Variants in FGD2 observed in about 807,000 individuals in gnomAD.
The protein encoded by FGD2 is FYVE, RhoGEF and PH domain containing 2, also known as FYVE, RhoGEF and PH domain-containing protein 2.
Under a neutral mutation model 75.9 loss-of-function variants are expected in FGD2, and 52 were observed. The observed-to-expected ratio is 0.69, with a 90% CI of 0.55 to 0.86. The LOEUF (loss-of-function observed/expected upper bound fraction) is 0.86, where lower values mean the gene tolerates loss of function less well. Among genes scored for constraint, FGD2 ranks in the 40% least tolerant of loss-of-function variants. The probability of loss-of-function intolerance (pLI) is 0.00; values close to 1 mark genes in which losing one functional copy is unlikely to be tolerated. For missense variants in FGD2, 790 were observed against 872.0 expected (o/e 0.91, Z 1.18); for synonymous variants, 347 against 348.6 (o/e 1.00, Z 0.05).
At chr6:37,015,155 G>A (rs1277106882) in intron 8 of FGD2, 117 bp downstream of exon 8, 14 of 1,348,420 alleles carry the variant, frequency 1.0e-5, no homozygotes, top group African/African-American at 4.4e-5. Context: ...GGAAGAGAAC[G>A]CTTCTCTGTC....
At position 37,028,242 on chromosome 6, in the gene FGD2, G is replaced by A. The variant is rs796718029; in HGVS notation, c.*79G>A. On this transcript the variant is annotated 3_prime_UTR_variant, in exon 16 of 16. Transcript: ENST00000274963. ...GCCACAGACTGACCCTGTGGCCTCA[G>A]TGACCCACTGCCCCAAGTGGTGCTT... 7 of 1,336,080 alleles carry A rather than the reference G, an allele frequency of 5.2e-6. No homozygotes were observed. In the African/African-American group the frequency reaches 1.0e-4, roughly 20 times the overall value. The allele number at this position is 1,336,080 out of a possible 1,614,324, so 82.8% of individuals were successfully genotyped here.
intron 2 of FGD2, 89 bp from the exon 3 acceptor site, chr6:37,010,884 A>G (rs1561926920): frequency 7.6e-7 from 1 of 1,312,256 alleles, no homozygotes; most frequent in Non-Finnish European, 1.1e-6. Context: ...CACTGCAGCA[A>G]CTTTGGAGAC....
chr6:37,019,665 C>T (rs1765468091), intron 9 of FGD2, among the ~76,000 whole-genome samples: 1 of 152,132 alleles, frequency 6.6e-6, no homozygotes, highest in Non-Finnish European at 1.5e-5. Flanking sequence ...AATAGATGTT[C>T]TTCCATCTCA....
In FGD2 at chr6:37,021,657, T is replaced by C. The variant is rs1026119338; in HGVS notation, c.1326+53T>C. 7.3e-6 allele frequency: 11 copies of C among 1,496,868 alleles called. No individual in the cohort carries two copies. The African/African-American group carries it at 1.1e-4, about 15-fold the overall frequency. The allele number at this position is 1,496,868 out of a possible 1,614,324, so 92.7% of individuals were successfully genotyped here. ...TGGAGCCACCAACCCAAATAGAGCT[T>C]GTTCCCTCTCTGTTCTGCCTATACC... On this transcript the variant is annotated intron_variant, in intron 12 of 15. Transcript: ENST00000274963.
Position 37,028,390 on chromosome 6 carries a change from G to A in FGD2, c.*227G>A, listed in dbSNP as rs1765933794. The A allele has an allele frequency of 6.0e-6, 3 of 503,454 alleles. No individual in the cohort carries two copies. The highest frequency in any genetic ancestry group is 1.9e-5 in the African/African-American group (1 of 52,556). 31.2% of individuals were successfully genotyped at this position (503,454 alleles called of 1,614,324 possible). A position where few individuals can be genotyped will look rare whatever the true frequency, so the allele number is the denominator to read the frequency against. On this transcript the variant is annotated 3_prime_UTR_variant, in exon 16 of 16. Transcript: ENST00000274963. The stretch of plus-strand genomic sequence containing the variant: ...TGTCTCAGTTTGCCTTGCGGGGAGG[G>A]GGCTCCTGGGCCATGGGACTTCCAG...
intron 13 of FGD2, 176 bp downstream of exon 13, chr6:37,022,546 G>C: frequency 1.2e-6 from 1 of 834,286 alleles, no homozygotes; most frequent in South Asian, 2.3e-5. Flanking sequence ...GCCTCCACCT[G>C]TGTCACCCAG....
chr6:37,014,711 A>C lies in FGD2; in HGVS notation c.882+7A>C, dbSNP rs541001984. On this transcript the variant is annotated splice_region_variant and intron_variant, in intron 7 of 15. Transcript: ENST00000274963. ...TGCAGCCATCACTGAGATGGTAAGC[A>C]GCCCGCCCTCTCCTGGAGCCCTGTC... 3 of 1,614,018 alleles carry C rather than the reference A, an allele frequency of 1.9e-6. No individual in the cohort carries two copies. The highest frequency in any genetic ancestry group is 2.2e-5 in the East Asian group (1 of 44,888).
Position 37,027,420 on chromosome 6 carries a change from T to C in FGD2, c.1606-9T>C, listed in dbSNP as rs371862187. ...TCTGCTCCCTGACAGTCCCTCCTTCTGGTTTTAGAAAGGGTCCTCAGCCAC... is the reference window on the plus strand; with the variant it reads ...TCTGCTCCCTGACAGTCCCTCCTTCCGGTTTTAGAAAGGGTCCTCAGCCAC... On this transcript the variant is annotated splice_polypyrimidine_tract_variant and intron_variant, in intron 14 of 15. Transcript: ENST00000274963. The C allele has an allele frequency of 3.8e-6, 6 of 1,598,998 alleles. No individual in the cohort carries two copies. The African/African-American group carries it at 8.0e-5, about 21-fold the overall frequency.
At chr6:37,027,677 A>G (rs1249719796) in intron 15 of FGD2, 102 bp downstream of exon 15, 1 of 1,409,380 alleles carries the variant, frequency 7.1e-7, no homozygotes, top group Non-Finnish European at 9.7e-7. Context: ...TATGTCAGAT[A>G]GGGAAACTGA....
intron 1 of FGD2, 152 bp from the exon 2 acceptor site, chr6:37,008,682 G>A: frequency 1.7e-6 from 1 of 584,796 alleles, no homozygotes; most frequent in South Asian, 2.8e-5. Flanking sequence ...AGAAGTGAAA[G>A]TCTTACTCAG....
At chr6:37,018,408 G>A (rs1765407306) in intron 9 of FGD2, among the ~76,000 whole-genome samples, 2 of 152,156 alleles carry the variant, frequency 1.3e-5, no homozygotes, top group South Asian at 4.1e-4. Context: ...TTCTGTGCAG[G>A]AACCATTTTC....
In FGD2 at chr6:37,010,970, C is replaced by T. The variant is rs376101457; in HGVS notation, c.301-3C>T. The stretch of plus-strand genomic sequence containing the variant: ...TCCTTCTCTCCCCTCCAATCCTCCG[C>T]AGGAGCCAGAGAAGAAGATCGTCCA... On this transcript the variant is annotated splice_polypyrimidine_tract_variant and splice_region_variant and intron_variant, in intron 2 of 15. Coordinates refer to ENST00000274963, the MANE Select transcript of FGD2 (RefSeq NM_173558.4). 3 of 1,614,000 alleles carry T rather than the reference C, an allele frequency of 1.9e-6. No homozygotes were observed. The highest frequency in any genetic ancestry group is 2.5e-6 in the Non-Finnish European group (3 of 1,179,958).
intron 13 of FGD2, chr6:37,022,584 A>T (rs1369705516): frequency 1.6e-5 from 10 of 608,408 alleles, no homozygotes; most frequent in Non-Finnish European, 2.3e-5. Flanking sequence ...CTAGGCTTCC[A>T]CTTGATCCAC....
chr6:37,019,674 C>G (rs1765468948), intron 9 of FGD2, among the ~76,000 whole-genome samples: 2 of 152,158 alleles, frequency 1.3e-5, no homozygotes. Context: ...TCTTCCATCT[C>G]ACCCTTGGGG....
rs760397369 is a variant in FGD2, at chr6:37,005,785, G to C, written c.-33G>C. ...CTGGAGGCCTCTCTCTCTGCTTCGA[G>C]GGTAGCTGAGATCCACCCCGGAAAC... On this transcript the variant is annotated 5_prime_UTR_variant, in exon 1 of 16. Transcript: ENST00000274963. The C allele has an allele frequency of 6.2e-7, 1 of 1,611,336 alleles. No homozygotes were observed. Among genetic ancestry groups the C allele is most frequent in the African/African-American group, 1.3e-5 (1 of 74,926 alleles).
intron 6 of FGD2, chr6:37,014,328 C>A (rs1158939167): frequency 6.3e-6 from 4 of 630,602 alleles, no homozygotes; most frequent in African/African-American, 5.5e-5. Context: ...AGTAGCAGAA[C>A]TGGGATTTGA....
intron 8 of FGD2, 50 bp from the exon 9 acceptor site, chr6:37,015,718 C>A: frequency 1.3e-6 from 2 of 1,523,140 alleles, no homozygotes; most frequent in Non-Finnish European, 1.8e-6. Flanking sequence ...CCCCACCTAG[C>A]CATCCTCCCT....
intron 1 of FGD2, among the ~76,000 whole-genome samples, chr6:37,006,749 C>T (rs1440179125): frequency 1.3e-5 from 2 of 152,146 alleles, no homozygotes; most frequent in African/African-American, 2.4e-5. Context: ...CAGAGGTTTG[C>T]CTCAGGTGAT....
chr6:37,026,127 G>T (rs963108092), intron 14 of FGD2, 189 bp downstream of exon 14: 1 of 985,246 alleles, frequency 1.0e-6, no homozygotes, highest in African/African-American at 1.7e-5. Flanking sequence ...GCAGTGTGGA[G>T]CCTGTCACCA....
Sources: gnomAD v4.1 joint callset for allele counts (sites outside exome capture counted in the v4.1 genomes callset) on GRCh38, gnomAD v4.1.1 for gene constraint, MANE v1.5 for transcripts, NCBI Gene and HGNC (gene_info 2026-07-23, HGNC 2026-07-21) for gene names.